The following GNAL variants were observed in gnomAD, a reference collection of about 807,000 sequenced individuals.
GNAL encodes the protein guanine nucleotide-binding protein G(olf) subunit alpha.
Under a neutral mutation model 55.1 loss-of-function variants are expected in GNAL, and 18 were observed. The ratio of observed to expected loss-of-function variants is 0.33; its 90% CI spans 0.23 to 0.48. The LOEUF (loss-of-function observed/expected upper bound fraction) is 0.48, where lower values mean the gene tolerates loss of function less well. Ranked by LOEUF, GNAL falls within the 20% of genes least tolerant of loss-of-function variation. The probability of loss-of-function intolerance (pLI) is 0.99; values close to 1 mark genes in which losing one functional copy is unlikely to be tolerated. For synonymous variants in GNAL, 253 were observed against 237.0 expected (o/e 1.07, Z -0.62); for missense variants, 412 against 614.1 (o/e 0.67, Z 3.48).
chr18:11,753,757 T>C, intron 3 of GNAL, 69 bp from the exon 4 acceptor site: 1 of 1,482,566 alleles, frequency 6.7e-7, no homozygotes, highest in Non-Finnish European at 9.4e-7. Context: ...AGACAGAAAT[T>C]ACATATTGTA....
At chr18:11,851,091 G>A (rs558087498) in intron 5 of GNAL, among the ~76,000 whole-genome samples, 4 of 152,336 alleles carry the variant, frequency 2.6e-5, no homozygotes, top group African/African-American at 9.6e-5. Context: ...AGTTTGGAGC[G>A]TGGGTAATTT....
chr18:11,735,795 GGGAA>G (rs964948190), intron 1 of GNAL, among the ~76,000 whole-genome samples: 3 of 146,612 alleles, frequency 2.0e-5, no homozygotes, highest in African/African-American at 2.6e-5. Context: ...GAGGGAGGGA[GGGAA>G]GGAAGGAAAG....
chr18:11,796,981 G>C (rs947921339), intron 4 of GNAL, among the ~76,000 whole-genome samples: 1 of 152,096 alleles, frequency 6.6e-6, no homozygotes, highest in African/African-American at 2.4e-5. Context: ...TTGAGACAGG[G>C]TCTCACTGTG....
intron 4 of GNAL, among the ~76,000 whole-genome samples, chr18:11,816,818 G>GAAA (rs11310574): frequency 7.2e-6 from 1 of 138,086 alleles, no homozygotes; most frequent in Non-Finnish European, 1.5e-5. Flanking sequence ...TGTCTCGAAA[G>GAAA]AAAAAAAAAA....
chr18:11,757,005 T>C (rs1182794078), intron 4 of GNAL, among the ~76,000 whole-genome samples: 1 of 152,198 alleles, frequency 6.6e-6, no homozygotes, highest in East Asian at 1.9e-4. Flanking sequence ...ATACATTATA[T>C]TAAAGTTAAA....
chr18:11,863,302 C>G (rs1334434895), intron 6 of GNAL, among the ~76,000 whole-genome samples: 3 of 152,146 alleles, frequency 2.0e-5, no homozygotes, highest in African/African-American at 7.2e-5. Context: ...CTTCTAGAGC[C>G]AGTGAACCCC....
chr18:11,809,251 C>CT (rs2034746836), intron 4 of GNAL, among the ~76,000 whole-genome samples: 2 of 146,764 alleles, frequency 1.4e-5, no homozygotes, highest in Admixed American at 1.3e-4. Flanking sequence ...GAGCGAGACT[C>CT]TATCTCAAAA....
At chr18:11,811,529 C>G (rs569608502) in intron 4 of GNAL, 1 of 152,174 alleles carries the variant, frequency 6.6e-6, no homozygotes, top group Non-Finnish European at 1.5e-5. Context: ...CCCACCCACC[C>G]CAGCCGGGAT....
intron 4 of GNAL, among the ~76,000 whole-genome samples, chr18:11,755,627 C>T (rs993519573): frequency 2.0e-5 from 3 of 152,104 alleles, no homozygotes; most frequent in East Asian, 1.9e-4. Flanking sequence ...ATGATTTTTG[C>T]TTCTGATAAG....
intron 1 of GNAL, among the ~76,000 whole-genome samples, chr18:11,715,697 C>T (rs1313266200): frequency 6.6e-6 from 1 of 152,010 alleles, no homozygotes; most frequent in African/African-American, 2.4e-5. Flanking sequence ...GAATAAGCCA[C>T]AGGCCCATGG....
chr18:11,695,867 G>A (rs2031389802), intron 1 of GNAL, among the ~76,000 whole-genome samples: 1 of 151,624 alleles, frequency 6.6e-6, no homozygotes, highest in Non-Finnish European at 1.5e-5. Flanking sequence ...TGTGTCTTTA[G>A]TTACTGTCAG....
intron 1 of GNAL, among the ~76,000 whole-genome samples, chr18:11,703,828 C>CAT (rs2031641870): frequency 6.7e-6 from 1 of 150,114 alleles, no homozygotes; most frequent in South Asian, 2.1e-4. Context: ...CACACACACA[C>CAT]ACACACAGTG....
intron 1 of GNAL, among the ~76,000 whole-genome samples, chr18:11,739,062 G>GGT (rs540317122): frequency 1.8e-4 from 28 of 152,204 alleles, no homozygotes; most frequent in Non-Finnish European, 2.9e-4. Context: ...AACGAGGGCA[G>GGT]GTGAGGGCCC....
intron 1 of GNAL, among the ~76,000 whole-genome samples, chr18:11,716,765 T>C (rs887559467): frequency 6.6e-6 from 1 of 152,146 alleles, no homozygotes; most frequent in Non-Finnish European, 1.5e-5. Context: ...AGGATGCTGA[T>C]TGGTGTATTT....
intron 5 of GNAL, among the ~76,000 whole-genome samples, chr18:11,827,593 A>G (rs1477586858): frequency 6.6e-6 from 1 of 152,110 alleles, no homozygotes; most frequent in Non-Finnish European, 1.5e-5. Context: ...AGCCTGAGTG[A>G]CAGAGCAAGG....
rs1314963053 is a variant in GNAL, at chr18:11,788,910, A to ATAT, written c.624+34965_624+34966insTAT. Reference sequence around the variant, plus strand: ...AGACTCCGTCTCGAAAAAAAAAAAAAAAAAATATATATATATATATATATA... The same window carrying ATAT: ...AGACTCCGTCTCGAAAAAAAAAAAAATATAAAAATATATATATATATATATATA... On this transcript the variant is annotated intron_variant, in intron 4 of 11. Coordinates refer to ENST00000334049, the MANE Select transcript of GNAL (RefSeq NM_182978.4). 9.0e-3 allele frequency among the ~76,000 whole-genome samples: 658 copies of ATAT among 73,194 alleles called. 2 individuals are homozygous for ATAT. The highest frequency in any genetic ancestry group is 0.035 in the Middle Eastern group (4 of 114). 48.0% of individuals were successfully genotyped at this position (73,194 alleles called of 152,430 possible).
chr18:11,804,205 A>G (rs2034600814), intron 4 of GNAL, among the ~76,000 whole-genome samples: 1 of 82,906 alleles, frequency 1.2e-5, no homozygotes, highest in Non-Finnish European at 2.3e-5. Flanking sequence ...GTTTGGATGG[A>G]ACACGGAGAT....
intron 4 of GNAL, among the ~76,000 whole-genome samples, chr18:11,760,013 C>T (rs2033189316): frequency 6.6e-6 from 1 of 152,004 alleles, no homozygotes; most frequent in Non-Finnish European, 1.5e-5. Context: ...CTGCCCAGTA[C>T]CTCATCAAAC....
At chr18:11,873,693 G>A (rs962563975) in intron 10 of GNAL, among the ~76,000 whole-genome samples, 41 of 152,166 alleles carry the variant, frequency 2.7e-4, no homozygotes, top group African/African-American at 8.9e-4. Context: ...GACTGAGGCC[G>A]GGTGCCGCTT....
Sources: gnomAD v4.1 joint callset for allele counts (sites outside exome capture counted in the v4.1 genomes callset) on GRCh38, gnomAD v4.1.1 for gene constraint, MANE v1.5 for transcripts, NCBI Gene and HGNC (gene_info 2026-07-23, HGNC 2026-07-21) for gene names.